The following NF1 variants were observed in gnomAD, a reference collection of about 807,000 sequenced individuals.
NF1 encodes the protein neurofibromin 1, also known as neurofibromin.
In NF1, 122 loss-of-function variants were observed where a neutral mutation model predicts 325.7. The ratio of observed to expected loss-of-function variants is 0.37; its 90% CI spans 0.32 to 0.44. The LOEUF is 0.44. NF1 is among the 20% of genes least tolerant of loss of function. NF1 has a pLI of 1.00. For missense variants in NF1, 2,140 were observed against 3,415.4 expected (o/e 0.63, Z 9.31); for synonymous variants, 1,091 against 1,186.0 (o/e 0.92, Z 1.65).
chr17:31,348,899 AATATT>A (rs748542010), intron 48 of NF1, among the ~76,000 whole-genome samples: 3 of 151,996 alleles, frequency 2.0e-5, no homozygotes, highest in East Asian at 3.8e-4. Context: ...AGTTCTAGGG[AATATT>A]ATATTCTACA....
At chr17:31,261,603 A>G (rs2067686863) in intron 34 of NF1, 108 bp from the exon 35 acceptor site, 1 of 1,191,488 alleles carries the variant, frequency 8.4e-7, no homozygotes, top group Admixed American at 1.7e-5. Context: ...GGTGCTGTTT[A>G]CAAATCAGCT....
chr17:31,175,305 T>G (rs892294061), intron 5 of NF1, among the ~76,000 whole-genome samples: 1 of 150,846 alleles, frequency 6.6e-6, no homozygotes, highest in Non-Finnish European at 1.5e-5. Context: ...ATAGAATCAT[T>G]GATGGTTTTA....
chr17:31,254,862 G>A (rs1160525804), intron 31 of NF1, among the ~76,000 whole-genome samples: 1 of 151,994 alleles, frequency 6.6e-6, no homozygotes, highest in Non-Finnish European at 1.5e-5. Flanking sequence ...TTGGTAATTC[G>A]AGATATTTTA....
At chr17:31,353,625 A>G (rs2070206660) in intron 51 of NF1, among the ~76,000 whole-genome samples, 1 of 152,190 alleles carries the variant, frequency 6.6e-6, no homozygotes, top group Non-Finnish European at 1.5e-5. Flanking sequence ...CTCCAAACAA[A>G]CAAACAAACA....
Position 31,095,119 on chromosome 17 carries a change from C to G in NF1, c.-191C>G. 2 of 425,510 alleles carry G rather than the reference C, an allele frequency of 4.7e-6. No individual in the cohort carries two copies. The highest frequency in any genetic ancestry group is 8.4e-6 in the Non-Finnish European group (2 of 237,400). The allele number at this position is 425,510 out of a possible 1,614,324, so 26.4% of individuals were successfully genotyped here. On this transcript the variant is annotated 5_prime_UTR_variant, in exon 1 of 58. Coordinates refer to ENST00000358273, the MANE Select transcript of NF1 (RefSeq NM_001042492.3). ...CCTCCCCCCAGCCTCCTTGCCAACG[C>G]CCCCTTTCCCTCTCCCCCTCCCGCT... is the stretch of plus-strand genomic sequence containing the variant.
chr17:31,182,632 C>T lies in NF1; in HGVS notation c.855C>T (p.Ser285=), dbSNP rs1445215573. The change falls in exon 8 of 58, where the codon TCC becomes TCT. Residue 285 remains serine (S), a synonymous_variant. Coordinates refer to ENST00000358273, the MANE Select transcript of NF1 (RefSeq NM_001042492.3). ...GTCCAGAAATAATCCAGGATATATC[C>T]AAAGACGTGGTTGATGAAAACAACA... ...ILCPEIIQDI[S]KDVVDENNMN... is the part of the protein sequence containing the mutation. 1 of 1,613,714 alleles carries T rather than the reference C, an allele frequency of 6.2e-7. No homozygotes were observed. The highest frequency in any genetic ancestry group is 8.5e-7 in the Non-Finnish European group (1 of 1,179,840).
chr17:31,099,957 G>A (rs1371440109), intron 1 of NF1, among the ~76,000 whole-genome samples: 1 of 148,234 alleles, frequency 6.7e-6, no homozygotes, highest in Non-Finnish European at 1.5e-5. Context: ...ACTGGTTCCT[G>A]TAGAGCTTTA....
rs372802636 is a variant in NF1 at position 31,373,999 on chromosome 17, C to G, written c.8378-14C>G. ...GGAAAAGAAGAAGTAACTGGCTGTT[C>G]TCTTTTTCTCCAGGAATCGACAAGG... On this transcript the variant is annotated splice_polypyrimidine_tract_variant and intron_variant, in intron 57 of 57. Transcript: ENST00000358273. The G allele has an allele frequency of 5.0e-6, 8 of 1,613,906 alleles. No individual in the cohort carries two copies. Among genetic ancestry groups the G allele is most frequent in the Non-Finnish European group, 6.8e-6 (8 of 1,179,876 alleles).
chr17:31,097,727 T>C (rs1181271812), intron 1 of NF1, among the ~76,000 whole-genome samples: 1 of 152,112 alleles, frequency 6.6e-6, no homozygotes, highest in Non-Finnish European at 1.5e-5. Context: ...GACAAGGTCT[T>C]GCTCTGTCGC....
intron 8 of NF1, chr17:31,183,004 T>C (rs1273709433): frequency 3.6e-6 from 2 of 554,066 alleles, no homozygotes; most frequent in Non-Finnish European, 6.3e-6. Context: ...TCATCACTTT[T>C]ATAGTGTGTT....
At chr17:31,230,026 C>A (rs2151430999) in intron 22 of NF1, 52 bp downstream of exon 22, 1 of 1,593,010 alleles carries the variant, frequency 6.3e-7, no homozygotes, top group South Asian at 1.1e-5. Context: ...TAAGAAAAAC[C>A]TCTTACACAC....
intron 11 of NF1, among the ~76,000 whole-genome samples, chr17:31,204,483 A>C (rs1430422362): frequency 6.6e-6 from 1 of 152,154 alleles, no homozygotes; most frequent in Non-Finnish European, 1.5e-5. Context: ...GGGCACATTT[A>C]GTAACTGCTC....
At chr17:31,282,260 T>C (rs960314784) in intron 36 of NF1, among the ~76,000 whole-genome samples, 3 of 151,362 alleles carry the variant, frequency 2.0e-5, no homozygotes, top group African/African-American at 7.3e-5. Flanking sequence ...CAGGCACCTG[T>C]AGTCCCAGCT....
intron 1 of NF1, among the ~76,000 whole-genome samples, chr17:31,104,223 G>C (rs1303899199): frequency 6.6e-6 from 1 of 151,994 alleles, no homozygotes; most frequent in Non-Finnish European, 1.5e-5. Flanking sequence ...TTCAAATTTG[G>C]TATTCTGGGG....
intron 38 of NF1, among the ~76,000 whole-genome samples, chr17:31,328,170 A>G (rs947600527): frequency 1.4e-4 from 22 of 152,184 alleles, no homozygotes; most frequent in African/African-American, 5.3e-4. Context: ...GTATATCACT[A>G]TTTAGTTTAA....
rs981957176 is a variant in NF1, at chr17:31,375,789, G to A, written c.*1634G>A. The A allele has an allele frequency of 8.6e-6, 2 of 232,196 alleles. No individual in the cohort carries two copies. The highest frequency in any genetic ancestry group is 1.7e-5 in the Non-Finnish European group (2 of 117,354). The allele number at this position is 232,196 out of a possible 1,614,324, so 14.4% of individuals were successfully genotyped here. A position where few individuals can be genotyped will look rare whatever the true frequency, so the allele number is the denominator to read the frequency against. On this transcript the variant is annotated 3_prime_UTR_variant, in exon 58 of 58. Coordinates refer to ENST00000358273, the MANE Select transcript of NF1 (RefSeq NM_001042492.3). ...TCACATTTATCCACACAGTAACAAT[G>A]TAATATGTTAATGTAAATAAAATTG...
At chr17:31,294,814 TAGC>T (rs2068426270) in intron 36 of NF1, 1 of 660,270 alleles carries the variant, frequency 1.5e-6, no homozygotes, top group Admixed American at 2.8e-5. Flanking sequence ...GACAGTAAAA[TAGC>T]AGCAAGTACC....
intron 8 of NF1, among the ~76,000 whole-genome samples, chr17:31,196,535 TG>T (rs2066436715): frequency 6.6e-6 from 1 of 152,216 alleles, no homozygotes; most frequent in African/African-American, 2.4e-5. Context: ...GTTTTTATTT[TG>T]ATGAAATCCA....
intron 40 of NF1, among the ~76,000 whole-genome samples, chr17:31,335,919 T>G (rs2069656663): frequency 1.3e-5 from 2 of 150,146 alleles, no homozygotes; most frequent in South Asian, 4.2e-4. Context: ...CTTGAACTCC[T>G]GGCCTCAAGC....
Sources: gnomAD v4.1 joint callset for allele counts (sites outside exome capture counted in the v4.1 genomes callset) on GRCh38, gnomAD v4.1.1 for gene constraint, MANE v1.5 for transcripts, NCBI Gene and HGNC (gene_info 2026-07-23, HGNC 2026-07-21) for gene names.